ROCK1: variants seen among roughly 807,000 people sequenced by gnomAD.
ROCK1 encodes the protein Rho associated coiled-coil containing protein kinase 1.
In ROCK1, 36 loss-of-function variants were observed where a neutral mutation model predicts 196.8. That is an observed-to-expected ratio of 0.18 (90% CI 0.14 to 0.24). ROCK1 has a LOEUF of 0.24. Ranked by LOEUF, ROCK1 falls within the 10% of genes least tolerant of loss-of-function variation. ROCK1 has a pLI of 1.00. For missense variants in ROCK1, 920 were observed against 1,562.0 expected (o/e 0.59, Z 6.93); for synonymous variants, 443 against 515.9 (o/e 0.86, Z 1.91).
At chr18:21,052,259 C>T (rs2036210021) in intron 2 of ROCK1, among the ~76,000 whole-genome samples, 2 of 152,192 alleles carry the variant, frequency 1.3e-5, no homozygotes, top group East Asian at 1.9e-4. Flanking sequence ...TATGGTTCTA[C>T]TTTTCCTAGT....
chr18:20,983,467 A>G (rs531987729), intron 20 of ROCK1, among the ~76,000 whole-genome samples: 1 of 151,982 alleles, frequency 6.6e-6, no homozygotes, highest in East Asian at 1.9e-4. Context: ...ATGGAAACCC[A>G]ATGTAACCCA....
At chr18:21,022,779 C>T (rs2035924904) in intron 11 of ROCK1, among the ~76,000 whole-genome samples, 1 of 152,066 alleles carries the variant, frequency 6.6e-6, no homozygotes, top group African/African-American at 2.4e-5. Flanking sequence ...TTTCCCTCTA[C>T]TGATGTTCAC....
intron 2 of ROCK1, among the ~76,000 whole-genome samples, chr18:21,052,126 T>G (rs1298703560): frequency 5.3e-5 from 8 of 152,198 alleles, no homozygotes; most frequent in Non-Finnish European, 1.0e-4. Context: ...GACAAGTCAT[T>G]TGAAATCTAA....
intron 29 of ROCK1, among the ~76,000 whole-genome samples, chr18:20,956,473 GCTGA>G (rs1270868545): frequency 9.2e-5 from 14 of 152,282 alleles, no homozygotes; most frequent in Admixed American, 3.3e-4. Flanking sequence ...GATACAGAGG[GCTGA>G]CTGTGTGTAG....
At chr18:20,976,406 G>C (rs550808448) in intron 22 of ROCK1, among the ~76,000 whole-genome samples, 1 of 152,228 alleles carries the variant, frequency 6.6e-6, no homozygotes, top group African/African-American at 2.4e-5. Flanking sequence ...ACCTAAAAGA[G>C]TTTTGGGTCA....
At chr18:21,034,212 T>C (rs528070801) in intron 9 of ROCK1, among the ~76,000 whole-genome samples, 2 of 152,246 alleles carry the variant, frequency 1.3e-5, no homozygotes, top group African/African-American at 4.8e-5. Flanking sequence ...ATTGTTAAGA[T>C]GATAATACTA....
intron 16 of ROCK1, 148 bp downstream of exon 16, chr18:21,006,203 A>C: frequency 1.5e-6 from 1 of 657,984 alleles, no homozygotes; most frequent in Non-Finnish European, 2.5e-6. Flanking sequence ...GCAAAAGGAC[A>C]AACACTGTAT....
At chr18:20,987,946 T>C (rs1334715285) in intron 18 of ROCK1, among the ~76,000 whole-genome samples, 1 of 152,190 alleles carries the variant, frequency 6.6e-6, no homozygotes, top group Non-Finnish European at 1.5e-5. Context: ...TAGATACCAA[T>C]TGACTATTTA....
At chr18:21,018,921 G>A (rs1237377464) in intron 12 of ROCK1, among the ~76,000 whole-genome samples, 2 of 152,040 alleles carry the variant, frequency 1.3e-5, no homozygotes, top group Non-Finnish European at 2.9e-5. Flanking sequence ...AAGTAATTCA[G>A]TATTATGCTA....
At chr18:21,066,402 G>T (rs1270795535) in intron 2 of ROCK1, among the ~76,000 whole-genome samples, 1 of 151,918 alleles carries the variant, frequency 6.6e-6, no homozygotes, top group East Asian at 1.9e-4. Flanking sequence ...TAACATATTG[G>T]TTTAGAATTA....
chr18:20,952,226 A>G lies in ROCK1; in HGVS notation c.4062-839T>C, dbSNP rs916995098. Among the ~76,000 whole-genome samples, 7 of 152,152 alleles carry G rather than the reference A, an allele frequency of 4.6e-5. No homozygotes were observed. In the East Asian group the frequency reaches 1.2e-3, roughly 25 times the overall value. ...GTTAAACTCCATCTCTACTAAAAAT[A>G]CAAAAATTAGCAGGCCGTGGTGGCA... On this transcript the variant is annotated intron_variant, in intron 32 of 32. Coordinates refer to ENST00000399799, the MANE Select transcript of ROCK1 (RefSeq NM_005406.3).
intron 2 of ROCK1, among the ~76,000 whole-genome samples, chr18:21,064,179 C>T (rs1568399447): frequency 6.6e-6 from 1 of 152,120 alleles, no homozygotes. Context: ...GCAGTCCGTC[C>T]TCCCGACCCT....
At chr18:21,055,316 C>T (rs1330204688) in intron 2 of ROCK1, among the ~76,000 whole-genome samples, 2 of 152,074 alleles carry the variant, frequency 1.3e-5, no homozygotes, top group African/African-American at 2.4e-5. Flanking sequence ...TTTCTAGTCA[C>T]TCTCCCACTC....
At chr18:20,987,173 T>C in intron 18 of ROCK1, 63 bp from the exon 19 acceptor site, 1 of 1,467,564 alleles carries the variant, frequency 6.8e-7, no homozygotes, top group Non-Finnish European at 9.4e-7. Flanking sequence ...CATTTCACTT[T>C]ATATGGGCTG....
At chr18:21,000,258 T>C (rs1418849218) in intron 16 of ROCK1, among the ~76,000 whole-genome samples, 2 of 149,926 alleles carry the variant, frequency 1.3e-5, no homozygotes, top group African/African-American at 2.5e-5. Context: ...CTATAGTCAA[T>C]TGATTTTCTT....
rs1297367845 is a variant in ROCK1, at chr18:20,954,959, T to G, written c.3677A>C (p.His1226Pro). 6.8e-6 allele frequency: 11 copies of G among 1,613,950 alleles called. No individual in the cohort carries two copies. Among genetic ancestry groups the G allele is most frequent in the Non-Finnish European group, 9.3e-6 (11 of 1,179,856 alleles). The change falls in exon 31 of 33, where the codon CAC becomes CCC. Residue 1226 changes from histidine (H) to proline (P), a missense_variant. His to Pro is a moderately conservative substitution (Grantham distance 77). This residue lies in a region of ROCK1 where 49 missense variants were observed against 180.4 expected (regional missense o/e 0.27). Coordinates refer to ENST00000399799, the MANE Select transcript of ROCK1 (RefSeq NM_005406.3). ...TGTAGGAATAAACTCATGGCCTTTG[T>G]GATTTTGGAAATTAGTTTTTTCAGC... ...QQAEKTNFQNHKGHEFIPTLY... is the reference protein window; with the variant it reads ...QQAEKTNFQNPKGHEFIPTLY...
chr18:21,068,938 A>G (rs2036360192), intron 2 of ROCK1, among the ~76,000 whole-genome samples: 1 of 152,074 alleles, frequency 6.6e-6, no homozygotes, highest in Non-Finnish European at 1.5e-5. Flanking sequence ...TTCCTTTTCA[A>G]TCTGTACGGC....
Position 21,045,124 on chromosome 18 carries a change from G to T in ROCK1, c.590+168C>A, listed in dbSNP as rs181094967. 192 of 474,986 alleles carry T rather than the reference G, an allele frequency of 4.0e-4. 1 individual carries two copies. The highest frequency in any genetic ancestry group is 3.4e-3 in the African/African-American group (169 of 49,814). The allele number at this position is 474,986 out of a possible 1,614,324, so 29.4% of individuals were successfully genotyped here. On this transcript the variant is annotated intron_variant, in intron 5 of 32. Coordinates refer to ENST00000399799, the MANE Select transcript of ROCK1 (RefSeq NM_005406.3). Reference sequence around the variant, plus strand: ...GATCTGCCTGCCTCGGCCTCCCAAAGCTCTGGGATTACAGGCGTGAGGCAG... The same window carrying T: ...GATCTGCCTGCCTCGGCCTCCCAAATCTCTGGGATTACAGGCGTGAGGCAG...
rs958124770 is a variant in ROCK1 at position 21,045,187 on chromosome 18, T to G, written c.590+105A>C. 4 of 1,045,882 alleles carry G rather than the reference T, an allele frequency of 3.8e-6. No homozygotes were observed. The African/African-American group carries it at 4.9e-5, about 13-fold the overall frequency. The allele number at this position is 1,045,882 out of a possible 1,614,324, so 64.8% of individuals were successfully genotyped here. A position where few individuals can be genotyped will look rare whatever the true frequency, so the allele number is the denominator to read the frequency against. On this transcript the variant is annotated intron_variant, in intron 5 of 32. Coordinates refer to ENST00000399799, the MANE Select transcript of ROCK1 (RefSeq NM_005406.3). Reference sequence around the variant, plus strand: ...GTCTTGAGTTCTGAAAGGTCACTTATGTCATACGGAAGAAGAATGGGTGAA... The same window carrying G: ...GTCTTGAGTTCTGAAAGGTCACTTAGGTCATACGGAAGAAGAATGGGTGAA...
Sources: allele counts gnomAD v4.1 joint callset (sites outside exome capture counted in the v4.1 genomes callset), GRCh38; gene constraint gnomAD v4.1.1; regional missense constraint gnomAD v4.1.1; transcripts MANE v1.5; gene names NCBI Gene and HGNC (gene_info 2026-07-23, HGNC 2026-07-21).